Variants in AKAP19 observed in about 807,000 individuals in gnomAD.
The protein encoded by AKAP19 is small A-kinase anchoring protein.
chr2:190,129,252 G>A, the AKAP19 span, among the ~76,000 whole-genome samples: 715 of 152,210 alleles, frequency 4.7e-3, 6 homozygotes, highest in African/African-American at 0.016. Context: ...TTCTATAAAA[G>A]TGTGGTTGCA....
chr2:190,173,974 C>T, the AKAP19 span, among the ~76,000 whole-genome samples: 3 of 152,096 alleles, frequency 2.0e-5, no homozygotes, highest in Non-Finnish European at 2.9e-5. Flanking sequence ...TGTCCTTAGT[C>T]ACCTGCTCTG....
chr2:190,180,621 A>C, the AKAP19 span: 1 of 985,588 alleles, frequency 1.0e-6, no homozygotes, highest in African/African-American at 1.7e-5. This position sits in a 1 kb window ranked among gnomAD's most constrained non-coding sequence, Gnocchi z 6.8. Flanking sequence ...CTGGCAGCCC[A>C]GCTCCGCTCC....
the AKAP19 span, among the ~76,000 whole-genome samples, chr2:190,041,870 T>C: frequency 1.3e-5 from 2 of 152,236 alleles, no homozygotes; most frequent in Admixed American, 6.5e-5. Flanking sequence ...TAAAGCCTAC[T>C]TGATCATGGT....
the AKAP19 span, among the ~76,000 whole-genome samples, chr2:190,077,377 T>C: frequency 6.6e-6 from 1 of 152,068 alleles, no homozygotes; most frequent in Non-Finnish European, 1.5e-5. Context: ...ACCTGGCTAA[T>C]TTTTTGTGTT....
the AKAP19 span, among the ~76,000 whole-genome samples, chr2:190,159,164 A>C: frequency 1.3e-5 from 2 of 152,184 alleles, no homozygotes; most frequent in Non-Finnish European, 2.9e-5. Context: ...TATGATTAGT[A>C]GCGACTGGCC....
the AKAP19 span, among the ~76,000 whole-genome samples, chr2:190,174,223 A>G: frequency 6.6e-6 from 1 of 152,142 alleles, no homozygotes; most frequent in African/African-American, 2.4e-5. Context: ...TCCATCCACA[A>G]AACACACCCT....
the AKAP19 span, among the ~76,000 whole-genome samples, chr2:189,972,723 T>C: frequency 6.6e-6 from 1 of 152,164 alleles, no homozygotes; most frequent in Non-Finnish European, 1.5e-5. Context: ...GATTCCTAGG[T>C]ATTTTATTCT....
the AKAP19 span, among the ~76,000 whole-genome samples, chr2:190,044,876 C>A: frequency 6.6e-6 from 1 of 152,152 alleles, no homozygotes; most frequent in African/African-American, 2.4e-5. Flanking sequence ...CCCAAAGGCA[C>A]CTGTAGGAGG....
the AKAP19 span, among the ~76,000 whole-genome samples, chr2:189,988,643 C>T: frequency 1.3e-5 from 2 of 152,120 alleles, no homozygotes; most frequent in Admixed American, 6.6e-5. Flanking sequence ...AGAGAGGGAG[C>T]GAATCTTTTC....
At chr2:190,058,369 GA>G in the AKAP19 span, among the ~76,000 whole-genome samples, 2 of 151,748 alleles carry the variant, frequency 1.3e-5, no homozygotes, top group African/African-American at 4.8e-5. Context: ...CTATAAAAAG[GA>G]ACACTTTCTT....
chr2:190,125,879 A>G, the AKAP19 span, among the ~76,000 whole-genome samples: 4 of 152,158 alleles, frequency 2.6e-5, no homozygotes, highest in Admixed American at 6.5e-5. Flanking sequence ...GATATTACTT[A>G]TATAAAGCTA....
the AKAP19 span, among the ~76,000 whole-genome samples, chr2:190,043,192 G>A: frequency 6.6e-6 from 1 of 152,066 alleles, no homozygotes; most frequent in Non-Finnish European, 1.5e-5. Context: ...TTCTTGTGTA[G>A]TATCCTGCAG....
chr2:190,193,762 C>G, the AKAP19 span, among the ~76,000 whole-genome samples: 1 of 152,022 alleles, frequency 6.6e-6, no homozygotes, highest in Non-Finnish European at 1.5e-5. Flanking sequence ...TTTAAAGAAC[C>G]AGCATTCATT....
the AKAP19 span, among the ~76,000 whole-genome samples, chr2:190,099,118 G>A: frequency 2.6e-5 from 4 of 152,200 alleles, no homozygotes; most frequent in African/African-American, 9.6e-5. Flanking sequence ...GTATTCAATG[G>A]AGTAGCATGT....
At chr2:190,189,845 T>G in the AKAP19 span, 1 of 152,234 alleles carries the variant, frequency 6.6e-6, no homozygotes, top group African/African-American at 2.4e-5. Context: ...CTGGAAGAAC[T>G]AGAAGTAGGC....
chr2:190,192,785 G>T, the AKAP19 span, among the ~76,000 whole-genome samples: 1 of 152,020 alleles, frequency 6.6e-6, no homozygotes, highest in Non-Finnish European at 1.5e-5. Flanking sequence ...TCATGTTTTT[G>T]ATGCTATTGC....
the AKAP19 span, among the ~76,000 whole-genome samples, chr2:190,048,372 A>G: frequency 9.9e-5 from 15 of 152,202 alleles, no homozygotes; most frequent in African/African-American, 3.4e-4. Flanking sequence ...ACTGACACCA[A>G]GTAACCATAG....
At chr2:190,034,661 A>G in the AKAP19 span, among the ~76,000 whole-genome samples, 4 of 151,720 alleles carry the variant, frequency 2.6e-5, no homozygotes, top group Non-Finnish European at 4.4e-5. Context: ...CCTGGCCAAC[A>G]TGACGAAACC....
chr2:189,902,989 A>G, the AKAP19 span, among the ~76,000 whole-genome samples: 1 of 152,042 alleles, frequency 6.6e-6, no homozygotes, highest in African/African-American at 2.4e-5. Flanking sequence ...GAGATGTAGA[A>G]TGAGGGAAAT....
Sources: gnomAD v4.1 joint callset for allele counts (sites outside exome capture counted in the v4.1 genomes callset) on GRCh38, gnomAD v4.1.1 for gene constraint, Gnocchi (gnomAD v3.1) non-coding constraint, MANE v1.5 for transcripts, NCBI Gene and HGNC (gene_info 2026-07-23, HGNC 2026-07-21) for gene names.